Variants in STK36 observed in about 807,000 individuals in gnomAD.
STK36 encodes serine/threonine-protein kinase 36.
In STK36, 116 loss-of-function variants were observed where a neutral mutation model predicts 142.2. The ratio of observed to expected loss-of-function variants is 0.82; its 90% CI spans 0.70 to 0.95. STK36 has a LOEUF of 0.95. STK36 is among the 40% of genes least tolerant of loss of function. The pLI, the probability that STK36 is intolerant of heterozygous loss-of-function variation, is 0.00. For synonymous variants in STK36, 619 were observed against 641.7 expected, an observed-to-expected ratio of 0.96 and a Z score of 0.53; for missense variants, 1,422 against 1,617.2, an observed-to-expected ratio of 0.88 and a Z score of 2.07.
rs374289200 is a variant in STK36 at position 218,688,757 on chromosome 2, A to C, written c.1441A>C (p.Ser481Arg). Residue 481 changes from serine to arginine, a missense_variant, in exon 12 of 27, where the codon AGT becomes CGT. Physicochemically the swap from Ser to Arg is moderately radical, Grantham distance 110 (BLOSUM62 -1). Transcript: ENST00000295709. ...CCTGCCTGCATTCCGGGTCCTGAGC[A>C]GTCTTCTCTCCAGCTGCAGTGATTC... ...HILPAFRVLS[S>R]LLSSCSDSVA... 9.3e-6 allele frequency: 15 copies of C among 1,614,156 alleles called. No homozygotes were observed. Among genetic ancestry groups the C allele is most frequent in the African/African-American group, 2.7e-5 (2 of 75,056 alleles).
chr2:218,697,206 T>C lies in STK36; in HGVS notation c.2754T>C (p.Ser918=), dbSNP rs56148168. The part of the protein sequence containing the change: ...PSPEPDWTLI[S]PQGMAALLSL... ...CTGAGCCAGACTGGACACTGATTTC[T>C]CCCCAGGGTATCTTTCTATCAGTAT... is the stretch of plus-strand genomic sequence containing the variant. Residue 918 remains serine, a synonymous_variant, in exon 23 of 27, where the codon TCT becomes TCC. Transcript: ENST00000295709. 26,548 of 1,611,820 alleles carry C rather than the reference T, an allele frequency of 0.016. 2,476 individuals carry two copies. In the African/African-American group the frequency reaches 0.25, roughly 15 times the overall value.
intron 7 of STK36, 77 bp downstream of exon 7, chr2:218,679,338 C>T (rs1209598609): frequency 1.4e-6 from 2 of 1,442,604 alleles, no homozygotes; most frequent in Admixed American, 3.5e-5. Flanking sequence ...CTTCCCCGAC[C>T]ATCTAGATAT....
chr2:218,699,354 C>T lies in STK36; in HGVS notation c.3804+6C>T. The T allele has an allele frequency of 1.2e-6, 2 of 1,610,582 alleles. No individual in the cohort carries two copies. The highest frequency in any genetic ancestry group is 1.1e-5 in the South Asian group (1 of 90,836). ...AGGAGCCTGGCATCCATCAGGTATA[C>T]CCTACAGCACTTATGAACCATGATG... is the stretch of plus-strand genomic sequence containing the variant. On this transcript the variant is annotated splice_donor_region_variant and intron_variant, in intron 26 of 26. Transcript: ENST00000295709.
At chr2:218,673,796 C>T (rs1288559511) in intron 3 of STK36, 31 bp downstream of exon 3, 1 of 1,613,352 alleles carries the variant, frequency 6.2e-7, no homozygotes, top group Non-Finnish European at 8.5e-7. Flanking sequence ...GCCCTGTCTC[C>T]CCAAGCACAA....
In STK36 at chr2:218,697,520, G is replaced by A; in HGVS notation, c.2819G>A (p.Cys940Tyr). The A allele has an allele frequency of 6.2e-7, 1 of 1,614,210 alleles. No individual in the cohort carries two copies. Among genetic ancestry groups the A allele is most frequent in the Middle Eastern group, 1.6e-4 (1 of 6,062 alleles). ...MATFTQEPQLCLSCLSQHGSI... is the reference protein window; with the variant it reads ...MATFTQEPQLYLSCLSQHGSI... ...ACCTTTACCCAGGAGCCCCAGTTAT[G>A]CCTGAGCTGCCTGTCCCAGCATGGA... Residue 940 changes from cysteine to tyrosine, a missense_variant, in exon 24 of 27, where the codon TGC becomes TAC. Physicochemically the swap from Cys to Tyr is radical, Grantham distance 194. Coordinates refer to ENST00000295709, the MANE Select transcript of STK36 (RefSeq NM_015690.5).
chr2:218,673,509 TAA>T (rs1940085145), intron 2 of STK36, 114 bp from the exon 3 acceptor site: 1 of 1,364,496 alleles, frequency 7.3e-7, no homozygotes, highest in South Asian at 1.5e-5. Context: ...ACAGAAATAA[TAA>T]GAGTTACTCA....
In STK36 at chr2:218,698,722, A is replaced by G. The variant is rs758325797; in HGVS notation, c.3178A>G (p.Arg1060Gly). 1.2e-6 allele frequency: 2 copies of G among 1,614,126 alleles called. No individual in the cohort carries two copies. The highest frequency in any genetic ancestry group is 1.1e-5 in the South Asian group (1 of 91,074). Reference protein sequence around the residue: ...QFVNTVSASPRTIVSFLSVAL... With the variant: ...QFVNTVSASPGTIVSFLSVAL... ...TGTGAACACAGTGTCTGCCTCCCCT[A>G]GAACCATCGTCTCGTTTCTCTCAGT... is the stretch of plus-strand genomic sequence containing the variant. The change falls in exon 26 of 27, where the codon AGA (arginine) becomes GGA (glycine). Residue 1060 changes from arginine to glycine, a missense_variant. Arg to Gly is a moderately radical substitution (Grantham distance 125). Around this residue, in one of 2 missense-constraint regions of STK36, gnomAD observed 962 missense variants for 1,167.5 expected, o/e 0.82. Transcript: ENST00000295709.
At position 218,680,628 on chromosome 2, in the gene STK36, G is replaced by A. The variant is rs1420651296; in HGVS notation, c.1162G>A (p.Glu388Lys). ...GGAAAACCGGACCACCCCAGATTGT[G>A]AACGAGCATTCCCAGAGGAGAGGCC... Reference protein sequence around the residue: ...PRENRTTPDCERAFPEERPEV... With the variant: ...PRENRTTPDCKRAFPEERPEV... The change falls in exon 10 of 27, where the codon GAA becomes AAA. Residue 388 changes from glutamate to lysine, a missense_variant. Glu to Lys is a moderately conservative substitution (Grantham distance 56). Transcript: ENST00000295709. The A allele has an allele frequency of 1.9e-6, 3 of 1,613,404 alleles. No homozygotes were observed. Among genetic ancestry groups the A allele is most frequent in the Non-Finnish European group, 2.5e-6 (3 of 1,179,870 alleles).
intron 6 of STK36, among the ~76,000 whole-genome samples, chr2:218,678,023 C>T (rs1425513076): frequency 6.6e-6 from 1 of 152,204 alleles, no homozygotes; most frequent in Non-Finnish European, 1.5e-5. Context: ...AATCTCCCAA[C>T]CTCGCGATCT....
intron 21 of STK36, among the ~76,000 whole-genome samples, chr2:218,696,009 G>C (rs1941221636): frequency 6.7e-6 from 1 of 150,250 alleles, no homozygotes; most frequent in Non-Finnish European, 1.5e-5. Flanking sequence ...GACAACAGGT[G>C]CACACCTCCA....
At chr2:218,686,359 G>A (rs943616231) in intron 11 of STK36, among the ~76,000 whole-genome samples, 5 of 152,148 alleles carry the variant, frequency 3.3e-5, no homozygotes, top group Non-Finnish European at 7.3e-5. Context: ...CCTGGTTCAA[G>A]GGATTCTCAT....
chr2:218,681,286 G>A (rs1940510816), intron 10 of STK36, among the ~76,000 whole-genome samples: 1 of 151,906 alleles, frequency 6.6e-6, no homozygotes, highest in Admixed American at 6.6e-5. Flanking sequence ...ACCACCACAC[G>A]TGGCTAATTT....
chr2:218,698,778 C>T lies in STK36; in HGVS notation c.3234C>T (p.Thr1078=), dbSNP rs1307426516. 5.6e-6 allele frequency: 9 copies of T among 1,614,206 alleles called. No individual in the cohort carries two copies. The highest frequency in any genetic ancestry group is 5.9e-6 in the Non-Finnish European group (7 of 1,180,040). The change falls in exon 26 of 27, where the codon ACC becomes ACT. Residue 1078 remains threonine (T), a synonymous_variant. Coordinates refer to ENST00000295709, the MANE Select transcript of STK36 (RefSeq NM_015690.5). ...VALLSDQPLL[T]SDLLSLLAHT... ...TCCTGAGTGACCAGCCACTGTTGAC[C>T]TCCGACCTTCTCTCTCTGCTGGCCC...
At chr2:218,697,244 T>G in intron 23 of STK36, 31 bp downstream of exon 23, 1 of 1,592,226 alleles carries the variant, frequency 6.3e-7, no homozygotes, top group Non-Finnish European at 8.5e-7. Flanking sequence ...TTTTTGGGAG[T>G]GCATTGATCT....
chr2:218,695,427 T>C (rs185699540), intron 21 of STK36, among the ~76,000 whole-genome samples: 2,271 of 151,456 alleles, frequency 0.015, 28 homozygotes, highest in Middle Eastern at 0.038. Flanking sequence ...GGTTTCTCCA[T>C]GTTGGTCAGG....
intron 25 of STK36, among the ~76,000 whole-genome samples, 183 bp from the exon 26 acceptor site, chr2:218,698,419 G>A (rs1319713261): frequency 6.6e-6 from 1 of 152,104 alleles, no homozygotes; most frequent in Non-Finnish European, 1.5e-5. Flanking sequence ...GAATGATCTT[G>A]GAAAGAACCT....
intron 14 of STK36, among the ~76,000 whole-genome samples, chr2:218,691,412 G>A (rs1291030895): frequency 2.0e-5 from 3 of 152,040 alleles, no homozygotes; most frequent in Admixed American, 2.0e-4. Flanking sequence ...CTAAATTTTG[G>A]CCAGCAGTGA....
chr2:218,702,198 T>C lies in STK36; in HGVS notation c.*189T>C. 4 of 658,662 alleles carry C rather than the reference T, an allele frequency of 6.1e-6. No individual in the cohort carries two copies. In the African/African-American group the frequency reaches 7.4e-5, roughly 12 times the overall value. 40.8% of individuals were successfully genotyped at this position (658,662 alleles called of 1,614,324 possible). ...TCCTTCTCCCAGATGCAGGATGTTT[T>C]CAACCAGTAAATTTTATTGCTGTTG... On this transcript the variant is annotated 3_prime_UTR_variant, in exon 27 of 27. Coordinates refer to ENST00000295709, the MANE Select transcript of STK36 (RefSeq NM_015690.5).
intron 17 of STK36, 138 bp from the exon 18 acceptor site, chr2:218,693,585 G>A (rs1461585003): frequency 1.5e-5 from 13 of 865,002 alleles, no homozygotes; most frequent in Non-Finnish European, 2.2e-5. Context: ...ATAGCAAGAG[G>A]CAGAAGGGGG....
Sources: gnomAD v4.1 joint callset for allele counts (sites outside exome capture counted in the v4.1 genomes callset) on GRCh38, gnomAD v4.1.1 for gene constraint, gnomAD v4.1.1 regional missense constraint, MANE v1.5 for transcripts, NCBI Gene and HGNC (gene_info 2026-07-23, HGNC 2026-07-21) for gene names.